Variants in PCDHGA6 observed in about 807,000 individuals in gnomAD.
The protein encoded by PCDHGA6 is protocadherin gamma-A6.
PCDHGA6 carries 41 observed loss-of-function variants against 60.6 expected under a neutral mutation model. The ratio of observed to expected loss-of-function variants is 0.68; its 90% CI spans 0.53 to 0.88. PCDHGA6 has a LOEUF of 0.88. Among genes scored for constraint, PCDHGA6 ranks in the 40% least tolerant of loss-of-function variants. The probability of loss-of-function intolerance (pLI) is 0.00; values close to 1 mark genes in which losing one functional copy is unlikely to be tolerated. For missense variants in PCDHGA6, 1,312 were observed against 1,203.0 expected (o/e 1.09, Z -1.34); for synonymous variants, 594 against 524.4 (o/e 1.13, Z -1.81).
Position 141,374,566 on chromosome 5 carries a change from T to A in PCDHGA6, c.483T>A (p.Asp161Glu). The A allele has an allele frequency of 6.2e-7, 1 of 1,613,700 alleles. No homozygotes were observed. The highest frequency in any genetic ancestry group is 8.5e-7 in the Non-Finnish European group (1 of 1,179,698). The change falls in exon 1 of 4, where the codon GAT becomes GAA. Residue 161 changes from aspartate to glutamate, a missense_variant. Physicochemically the swap from Asp to Glu is conservative, Grantham distance 45. Transcript: ENST00000517434. ...RFPLMEVYDPDVGMNSLQGFK... is the reference protein window; with the variant it reads ...RFPLMEVYDPEVGMNSLQGFK... ...CACTAATGGAGGTCTATGACCCTGA[T>A]GTGGGAATGAACTCCCTTCAGGGAT...
chr5:141,387,143 G>A (rs1310461267), intron 1 of PCDHGA6, among the ~76,000 whole-genome samples: 3 of 152,158 alleles, frequency 2.0e-5, no homozygotes, highest in Admixed American at 6.5e-5. Flanking sequence ...TATTGGGAAG[G>A]GGGTGTATTT....
rs1232672788 is a variant in PCDHGA6, at chr5:141,431,315, G to A, written c.2424+54808G>A. The A allele has an allele frequency of 6.2e-7, 1 of 1,614,080 alleles. No individual in the cohort carries two copies. Among genetic ancestry groups the A allele is most frequent in the South Asian group, 1.1e-5 (1 of 91,078 alleles). On this transcript the variant is annotated intron_variant, in intron 1 of 3. Coordinates refer to ENST00000517434, the MANE Select transcript of PCDHGA6 (RefSeq NM_018919.3). The surrounding 1 kb of genome is among the most constrained non-coding windows in gnomAD (Gnocchi z 4.8). ...CTTCTCCCTCATCGTGCAAAATGGAGCCGACGGTAGTAAGTACCCCGAATT... is the reference window on the plus strand; with the variant it reads ...CTTCTCCCTCATCGTGCAAAATGGAACCGACGGTAGTAAGTACCCCGAATT...
chr5:141,489,363 G>T lies in PCDHGA6; in HGVS notation c.2425-5444G>T, dbSNP rs767837736. 20 of 1,613,114 alleles carry T rather than the reference G, an allele frequency of 1.2e-5. No homozygotes were observed. Among genetic ancestry groups the T allele is most frequent in the Non-Finnish European group, 1.7e-5 (20 of 1,179,354 alleles). ...ACTCAGTGGTGGAGGAGTCTGAGCCGGGGACGCTGGTGGGGAATGTTGCTC... is the reference window on the plus strand; with the variant it reads ...ACTCAGTGGTGGAGGAGTCTGAGCCTGGGACGCTGGTGGGGAATGTTGCTC... On this transcript the variant is annotated intron_variant, in intron 1 of 3. Transcript: ENST00000517434. The surrounding 1 kb of genome is among the most constrained non-coding windows in gnomAD (Gnocchi z 4.5).
In PCDHGA6 at chr5:141,418,596, T is replaced by C; in HGVS notation, c.2424+42089T>C. On this transcript the variant is annotated intron_variant, in intron 1 of 3. Coordinates refer to ENST00000517434, the MANE Select transcript of PCDHGA6 (RefSeq NM_018919.3). Reference sequence around the variant, plus strand: ...AACCCCCCAGTGTTCAGCCAGGACGTGTACAGGGTTAGCCTTCGGGAAGAC... The same window carrying C: ...AACCCCCCAGTGTTCAGCCAGGACGCGTACAGGGTTAGCCTTCGGGAAGAC... 8.7e-6 allele frequency: 14 copies of C among 1,614,046 alleles called. No individual in the cohort carries two copies. The highest frequency in any genetic ancestry group is 1.1e-5 in the Non-Finnish European group (13 of 1,179,906).
At chr5:141,388,333 C>G (rs962073146) in intron 1 of PCDHGA6, 1 of 1,613,738 alleles carries the variant, frequency 6.2e-7, no homozygotes, top group African/African-American at 1.3e-5. Flanking sequence ...CAGCCTGGCA[C>G]ACGATTTATA....
Position 141,375,298 on chromosome 5 carries a change from G to A in PCDHGA6, c.1215G>A (p.Val405=). The A allele has an allele frequency of 1.9e-6, 3 of 1,613,794 alleles. No homozygotes were observed. Among genetic ancestry groups the A allele is most frequent in the Non-Finnish European group, 1.7e-6 (2 of 1,179,886 alleles). ...EKSVGNYYRL[V]TNAALDREEV... ...CAGTTGGCAATTATTATCGATTAGT[G>A]ACAAATGCAGCTCTAGACCGGGAAG... Residue 405 remains valine, a synonymous_variant, in exon 1 of 4, where the codon GTG becomes GTA. Coordinates refer to ENST00000517434, the MANE Select transcript of PCDHGA6 (RefSeq NM_018919.3).
Position 141,431,478 on chromosome 5 carries a change from C to T in PCDHGA6, c.2424+54971C>T, listed in dbSNP as rs1163422580. On this transcript the variant is annotated intron_variant, in intron 1 of 3. Coordinates refer to ENST00000517434, the MANE Select transcript of PCDHGA6 (RefSeq NM_018919.3). The surrounding 1 kb of genome is among the most constrained non-coding windows in gnomAD (Gnocchi z 4.8). ...GTTCTGGATGCGAACGACAACGCAC[C>T]AGCGTTTGCTCAGCCCGAGTACCGC... The T allele has an allele frequency of 6.2e-7, 1 of 1,613,748 alleles. No individual in the cohort carries two copies. The highest frequency in any genetic ancestry group is 8.5e-7 in the Non-Finnish European group (1 of 1,179,976).
At chr5:141,461,273 C>A (rs1301916233) in intron 1 of PCDHGA6, among the ~76,000 whole-genome samples, 1 of 152,128 alleles carries the variant, frequency 6.6e-6, no homozygotes, top group Admixed American at 6.6e-5. Flanking sequence ...TAAGTGTTCT[C>A]TTTTCCCCAC....
intron 1 of PCDHGA6, chr5:141,393,798 G>C (rs1228076034): frequency 1.2e-6 from 2 of 1,613,876 alleles, no homozygotes; most frequent in Non-Finnish European, 1.7e-6. Flanking sequence ...GGCACTTCTG[G>C]GGAGGACCAA....
chr5:141,417,965 T>C lies in PCDHGA6; in HGVS notation c.2424+41458T>C. On this transcript the variant is annotated intron_variant, in intron 1 of 3. Coordinates refer to ENST00000517434, the MANE Select transcript of PCDHGA6 (RefSeq NM_018919.3). ...CACGCTGTGTGAGCCGATCCGCTAC[T>C]CGATTCCGGAGGAGCTGGCCAAGGG... 3 of 1,613,654 alleles carry C rather than the reference T, an allele frequency of 1.9e-6. No homozygotes were observed. In the South Asian group the frequency reaches 3.3e-5, roughly 18 times the overall value.
At chr5:141,389,652 G>C in intron 1 of PCDHGA6, 1 of 1,612,638 alleles carries the variant, frequency 6.2e-7, no homozygotes, top group South Asian at 1.1e-5. Context: ...GACCAAGGTA[G>C]TGGCGGTGGA....
intron 1 of PCDHGA6, chr5:141,402,790 A>T: frequency 2.1e-6 from 2 of 961,358 alleles, no homozygotes; most frequent in Non-Finnish European, 2.9e-6. Context: ...TTCTGCGGCT[A>T]CACAAAACCC....
Position 141,408,587 on chromosome 5 carries a change from C to A in PCDHGA6, c.2424+32080C>A, listed in dbSNP as rs768912219. 3 of 1,613,898 alleles carry A rather than the reference C, an allele frequency of 1.9e-6. No homozygotes were observed. The South Asian group carries it at 3.3e-5, about 18-fold the overall frequency. ...TGTGGTGATTGAGGATGTTAATGACCACGCCCCTCAATTTGATAAAAAGGA... is the reference window on the plus strand; with the variant it reads ...TGTGGTGATTGAGGATGTTAATGACAACGCCCCTCAATTTGATAAAAAGGA... On this transcript the variant is annotated intron_variant, in intron 1 of 3. Transcript: ENST00000517434.
chr5:141,430,822 G>C lies in PCDHGA6; in HGVS notation c.2424+54315G>C, dbSNP rs752634890. 5.8e-6 allele frequency: 9 copies of C among 1,542,380 alleles called. No homozygotes were observed. The African/African-American group carries it at 1.1e-4, about 19-fold the overall frequency. On this transcript the variant is annotated intron_variant, in intron 1 of 3. Transcript: ENST00000517434. ...TTGTCCTGCTGGGAATCCTCCTGGGGACTCTGTGGGAGACCGGATGCACCC... is the reference window on the plus strand; with the variant it reads ...TTGTCCTGCTGGGAATCCTCCTGGGCACTCTGTGGGAGACCGGATGCACCC...
chr5:141,408,782 T>G (rs1561715407), intron 1 of PCDHGA6: 1 of 1,612,108 alleles, frequency 6.2e-7, no homozygotes, highest in East Asian at 2.2e-5. Flanking sequence ...ATACCCAGAG[T>G]TATCTCTGGA....
intron 1 of PCDHGA6, chr5:141,395,051 A>G: frequency 6.2e-7 from 1 of 1,614,178 alleles, no homozygotes; most frequent in Non-Finnish European, 8.5e-7. Flanking sequence ...TTGAGGAGGT[A>G]CAGGCTTTCC....
At chr5:141,458,075 A>G (rs1301404730) in intron 1 of PCDHGA6, among the ~76,000 whole-genome samples, 2 of 152,234 alleles carry the variant, frequency 1.3e-5, no homozygotes, top group Non-Finnish European at 2.9e-5. Flanking sequence ...GAACAACTAT[A>G]TTGCCGTAAG....
Position 141,491,758 on chromosome 5 carries a change from C to A in PCDHGA6, c.2425-3049C>A. The stretch of plus-strand genomic sequence containing the variant: ...TGGGGGCGGCACTGGAGAAGCCGCC[C>A]GTCCTCATAAGGGATTGAACTTGCA... On this transcript the variant is annotated intron_variant, in intron 1 of 3. Coordinates refer to ENST00000517434, the MANE Select transcript of PCDHGA6 (RefSeq NM_018919.3). This position sits in a 1 kb window ranked among gnomAD's most constrained non-coding sequence, Gnocchi z 6.9. 6.3e-7 allele frequency: 1 copy of A among 1,578,788 alleles called. No homozygotes were observed. Among genetic ancestry groups the A allele is most frequent in the Non-Finnish European group, 8.6e-7 (1 of 1,163,522 alleles).
chr5:141,389,845 C>T, intron 1 of PCDHGA6: 1 of 1,614,054 alleles, frequency 6.2e-7, no homozygotes. Context: ...CCACTCTCGG[C>T]CACTGCCACG....
Sources: allele counts gnomAD v4.1 joint callset (sites outside exome capture counted in the v4.1 genomes callset), GRCh38; gene constraint gnomAD v4.1.1; non-coding constraint Gnocchi (gnomAD v3.1); transcripts MANE v1.5; gene names NCBI Gene and HGNC (gene_info 2026-07-23, HGNC 2026-07-21).